The following CFAP96 variants were observed in gnomAD, a reference collection of about 807,000 sequenced individuals.
The protein encoded by CFAP96 is cilia-and flagella-associated protein 96.
chr4:185,448,960 C>A, the CFAP96 span, among the ~76,000 whole-genome samples: 1 of 147,350 alleles, frequency 6.8e-6, no homozygotes, highest in Non-Finnish European at 1.5e-5. Flanking sequence ...TTATTGAAAT[C>A]TCTTTCTTTT....
chr4:185,432,337 T>C, the CFAP96 span: 19 of 661,322 alleles, frequency 2.9e-5, no homozygotes, highest in Non-Finnish European at 4.9e-5. Flanking sequence ...TAGGTGGAGA[T>C]AGTTGTATTG....
the CFAP96 span, among the ~76,000 whole-genome samples, chr4:185,411,259 AT>A: frequency 7.2e-3 from 1,093 of 152,210 alleles, 13 homozygotes; most frequent in African/African-American, 0.025. Context: ...CCAAAACTAA[AT>A]TGGTTACTAA....
At chr4:185,417,540 G>GC in the CFAP96 span, among the ~76,000 whole-genome samples, 48 of 152,212 alleles carry the variant, frequency 3.2e-4, no homozygotes, top group Middle Eastern at 6.8e-3. Context: ...TATTTCCATA[G>GC]CTAGTGGTTT....
At chr4:185,429,429 A>G in the CFAP96 span, 1 of 1,535,192 alleles carries the variant, frequency 6.5e-7, no homozygotes, top group Non-Finnish European at 8.8e-7. Context: ...CGGAAGGAGG[A>G]AAAACGGACA....
the CFAP96 span, among the ~76,000 whole-genome samples, chr4:185,417,211 A>C: frequency 6.6e-6 from 1 of 152,198 alleles, no homozygotes; most frequent in Non-Finnish European, 1.5e-5. Context: ...CCTAACTCTA[A>C]TAACAAGGAA....
the CFAP96 span, among the ~76,000 whole-genome samples, chr4:185,447,847 G>A: frequency 6.6e-6 from 1 of 152,138 alleles, no homozygotes; most frequent in Non-Finnish European, 1.5e-5. Flanking sequence ...GCTAAACTAT[G>A]CAATTAATAC....
the CFAP96 span, among the ~76,000 whole-genome samples, chr4:185,446,553 G>A: frequency 6.6e-6 from 1 of 151,980 alleles, no homozygotes; most frequent in Non-Finnish European, 1.5e-5. Context: ...CTAGTCAGTT[G>A]CTTAAGTTGA....
chr4:185,449,729 T>C, the CFAP96 span: 1 of 927,162 alleles, frequency 1.1e-6, no homozygotes, highest in East Asian at 2.9e-5. Flanking sequence ...TATAAGATGT[T>C]ATGGAGCAGA....
chr4:185,425,936 G>A, the CFAP96 span: 2 of 1,556,334 alleles, frequency 1.3e-6, no homozygotes, highest in South Asian at 1.2e-5. Context: ...GCCCTGAAGT[G>A]GTGTCACCGC....
chr4:185,447,580 C>T, the CFAP96 span, among the ~76,000 whole-genome samples: 5 of 152,226 alleles, frequency 3.3e-5, no homozygotes, highest in African/African-American at 4.8e-5. Context: ...TTGTATGTGT[C>T]ACTAGCGTTA....
At chr4:185,438,226 C>T in the CFAP96 span, among the ~76,000 whole-genome samples, 1 of 151,936 alleles carries the variant, frequency 6.6e-6, no homozygotes, top group Non-Finnish European at 1.5e-5. Flanking sequence ...TGCATTAGGT[C>T]TCTTGAAATT....
the CFAP96 span, among the ~76,000 whole-genome samples, chr4:185,435,838 T>C: frequency 9.3e-5 from 14 of 150,370 alleles, no homozygotes; most frequent in African/African-American, 3.4e-4. Context: ...TATGCAGTTC[T>C]ATTTTTTGTA....
At chr4:185,425,988 C>A in the CFAP96 span, 1 of 1,164,290 alleles carries the variant, frequency 8.6e-7, no homozygotes, top group South Asian at 1.3e-5. Context: ...CTACAACTCC[C>A]GACATGCTCG....
chr4:185,449,692 C>T, the CFAP96 span: 107,607 of 1,243,610 alleles, frequency 0.087, 6,508 homozygotes, highest in African/African-American at 0.3. Context: ...GAGTAATTCA[C>T]TATCAAGAGC....
the CFAP96 span, among the ~76,000 whole-genome samples, chr4:185,412,201 C>T: frequency 6.6e-6 from 1 of 152,116 alleles, no homozygotes; most frequent in Non-Finnish European, 1.5e-5. Flanking sequence ...TTCTTACGAC[C>T]TTGTAATACA....
the CFAP96 span, chr4:185,413,875 A>C: frequency 6.3e-7 from 1 of 1,588,388 alleles, no homozygotes; most frequent in Non-Finnish European, 8.5e-7. Flanking sequence ...TGTAACTCCT[A>C]AAATAAATCA....
the CFAP96 span, among the ~76,000 whole-genome samples, chr4:185,440,004 G>A: frequency 3.3e-5 from 1 of 30,294 alleles, no homozygotes; most frequent in Non-Finnish European, 8.6e-5. Flanking sequence ...ACACATATGA[G>A]ATATAGATAA....
At chr4:185,443,342 A>ATATTTTTTTTT in the CFAP96 span, among the ~76,000 whole-genome samples, 69 of 26,720 alleles carry the variant, frequency 2.6e-3, 3 homozygotes, top group African/African-American at 7.5e-3. Context: ...ATATATATAT[A>ATATTTTTTTTT]TTTTTTTTTT....
the CFAP96 span, among the ~76,000 whole-genome samples, chr4:185,414,086 C>G: frequency 1.3e-5 from 2 of 151,990 alleles, no homozygotes; most frequent in Non-Finnish European, 2.9e-5. Context: ...TGGGTAGAAA[C>G]TGGAAGGGAA....
Sources: gnomAD v4.1 joint callset for allele counts (sites outside exome capture counted in the v4.1 genomes callset) on GRCh38, gnomAD v4.1.1 for gene constraint, MANE v1.5 for transcripts, NCBI Gene and HGNC (gene_info 2026-07-23, HGNC 2026-07-21) for gene names.